The following EPS15L1 variants were observed in gnomAD, a reference collection of about 807,000 sequenced individuals.
The protein encoded by EPS15L1 is epidermal growth factor receptor pathway substrate 15 like 1.
Under a neutral mutation model 117.1 loss-of-function variants are expected in EPS15L1, and 43 were observed. The ratio of observed to expected loss-of-function variants is 0.37; its 90% CI spans 0.29 to 0.47. EPS15L1 has a LOEUF of 0.47. Among genes scored for constraint, EPS15L1 ranks in the 20% least tolerant of loss-of-function variants. EPS15L1 has a pLI of 0.99. For missense variants in EPS15L1, 981 were observed against 1,164.0 expected (o/e 0.84, Z 2.29); for synonymous variants, 459 against 470.5 (o/e 0.98, Z 0.32).
chr19:16,425,384 AG>A, intron 8 of EPS15L1, 68 bp from the exon 9 acceptor site: 2 of 1,138,096 alleles, frequency 1.8e-6, no homozygotes, highest in Non-Finnish European at 2.6e-6. Flanking sequence ...GAGAAGGCAG[AG>A]GGCAGCCCTT....
Position 16,425,149 on chromosome 19 carries a change from G to A in EPS15L1, c.726C>T (p.His242=), listed in dbSNP as rs148508142. 38 of 1,614,110 alleles carry A rather than the reference G, an allele frequency of 2.4e-5. No homozygotes were observed. The African/African-American group carries it at 2.4e-4, about 10-fold the overall frequency. ...PKDSLRSTPS[H]GSVSSLNSTG... ...TGCTGTTGAGGCTGCTGACGCTGCC[G>A]TGGGACGGCGTGGAGCGGAGGCTGT... The change falls in exon 9 of 24, where the codon CAC becomes CAT. Residue 242 remains histidine, a synonymous_variant. Coordinates refer to ENST00000455140, the MANE Select transcript of EPS15L1 (RefSeq NM_001258374.3).
intron 1 of EPS15L1, among the ~76,000 whole-genome samples, chr19:16,457,235 T>C (rs1421860449): frequency 6.6e-6 from 1 of 152,140 alleles, no homozygotes; most frequent in Non-Finnish European, 1.5e-5. Flanking sequence ...TCTAGACACC[T>C]TGGTGCAGGT....
chr19:16,446,709 C>A (rs1418104601), intron 1 of EPS15L1, among the ~76,000 whole-genome samples: 2 of 152,152 alleles, frequency 1.3e-5, no homozygotes, highest in African/African-American at 4.8e-5. Context: ...CAGGGCTGTG[C>A]ACCGGACCAC....
chr19:16,462,042 C>T (rs910738559), intron 1 of EPS15L1, among the ~76,000 whole-genome samples: 4 of 152,188 alleles, frequency 2.6e-5, no homozygotes, highest in African/African-American at 9.7e-5. Flanking sequence ...TCGACCCTCC[C>T]GGAGCCCATG....
At chr19:16,440,079 A>G (rs1177797678) in intron 4 of EPS15L1, among the ~76,000 whole-genome samples, 1 of 151,362 alleles carries the variant, frequency 6.6e-6, no homozygotes, top group African/African-American at 2.4e-5. Flanking sequence ...AAAAAAAAAA[A>G]AAAAACTCTG....
intron 1 of EPS15L1, among the ~76,000 whole-genome samples, chr19:16,449,804 T>C (rs1184025126): frequency 6.6e-6 from 1 of 152,152 alleles, no homozygotes; most frequent in Non-Finnish European, 1.5e-5. Flanking sequence ...CACCATGGAA[T>C]ACTACTCAGC....
At position 16,392,412 on chromosome 19, in the gene EPS15L1, T is replaced by G. The variant is rs778541349; in HGVS notation, c.1995A>C (p.Glu665Asp). 1 of 1,614,224 alleles carries G rather than the reference T, an allele frequency of 6.2e-7. No individual in the cohort carries two copies. The highest frequency in any genetic ancestry group is 1.1e-5 in the South Asian group (1 of 91,084). The change falls in exon 19 of 24, where the codon GAA becomes GAC. Residue 665 changes from glutamate (E) to aspartate (D), a missense_variant. Glu to Asp is a conservative substitution (Grantham distance 45). Around this residue, in one of 5 missense-constraint regions of EPS15L1, gnomAD observed 819 missense variants for 949.0 expected, o/e 0.86. Transcript: ENST00000455140. Reference protein sequence around the residue: ...TDPFGGDPFKESDPFRGSATD... With the variant: ...TDPFGGDPFKDSDPFRGSATD... ...TGGCAGAGCCACGGAATGGGTCACT[T>G]TCTTTGAAAGGGTCCCCTCCAAATG...
At chr19:16,457,960 C>T (rs2093213102) in intron 1 of EPS15L1, among the ~76,000 whole-genome samples, 1 of 152,068 alleles carries the variant, frequency 6.6e-6, no homozygotes, top group African/African-American at 2.4e-5. Context: ...GCCCACTTCC[C>T]AGAGTCTCCC....
intron 5 of EPS15L1, 60 bp downstream of exon 5, chr19:16,437,710 T>TACAC: frequency 1.7e-6 from 2 of 1,146,030 alleles, no homozygotes; most frequent in Non-Finnish European, 2.6e-6. Context: ...CACATGCACA[T>TACAC]ACACACACAC....
chr19:16,447,078 C>A (rs1223875784), intron 1 of EPS15L1, among the ~76,000 whole-genome samples: 2 of 152,230 alleles, frequency 1.3e-5, no homozygotes, highest in Admixed American at 1.3e-4. Context: ...ACAGGCCTTG[C>A]ACAACCATCA....
intron 1 of EPS15L1, among the ~76,000 whole-genome samples, chr19:16,453,974 G>A (rs1019391995): frequency 6.6e-6 from 1 of 151,872 alleles, no homozygotes. Context: ...TGTGACAAAT[G>A]AGGAGAGCTT....
rs1211217171 is a variant in EPS15L1, at chr19:16,405,670, A to G, written c.1267-921T>C. 6.6e-6 allele frequency among the ~76,000 whole-genome samples: 1 copy of G among 152,186 alleles called. No individual in the cohort carries two copies. The highest frequency in any genetic ancestry group is 1.5e-5 in the Non-Finnish European group (1 of 68,034). On this transcript the variant is annotated intron_variant, in intron 13 of 23. Transcript: ENST00000455140. This position sits in a 1 kb window ranked among gnomAD's most constrained non-coding sequence, Gnocchi z 4.0. The stretch of plus-strand genomic sequence containing the variant: ...GATGGCGCCGTGTGCTTTGCCTTAC[A>G]GTGGGACATGAGCACACTGCATTTG...
At position 16,436,964 on chromosome 19, in the gene EPS15L1, G is replaced by A. The variant is rs2092983996; in HGVS notation, c.345C>T (p.Pro115=). ...TCACAGCCCAGTGGGCCTCTGCAGA[G>A]GGCGGTGTGACCATCAGAGGGCTGC... ...DTSSPLMVTP[P]SAEAHWAVRV... Residue 115 remains proline (P), a synonymous_variant, in exon 6 of 24, where the codon CCC becomes CCT. Coordinates refer to ENST00000455140, the MANE Select transcript of EPS15L1 (RefSeq NM_001258374.3). 1.9e-6 allele frequency: 3 copies of A among 1,614,142 alleles called. No homozygotes were observed. The highest frequency in any genetic ancestry group is 2.5e-6 in the Non-Finnish European group (3 of 1,179,968).
In EPS15L1 at chr19:16,451,250, C is replaced by T. The variant is rs186126901; in HGVS notation, c.34-9031G>A. Among the ~76,000 whole-genome samples the T allele has an allele frequency of 3.3e-5, 5 of 152,320 alleles. No homozygotes were observed. The East Asian group carries it at 9.7e-4, about 29-fold the overall frequency. ...ACAGGCGTGAGCCACCGCGCCCGCCCAGACTCTCCAACAACTGCAAGTGAG... is the reference window on the plus strand; with the variant it reads ...ACAGGCGTGAGCCACCGCGCCCGCCTAGACTCTCCAACAACTGCAAGTGAG... On this transcript the variant is annotated intron_variant, in intron 1 of 23. Coordinates refer to ENST00000455140, the MANE Select transcript of EPS15L1 (RefSeq NM_001258374.3).
chr19:16,436,620 AC>A, intron 6 of EPS15L1: 1 of 267,998 alleles, frequency 3.7e-6, no homozygotes, highest in East Asian at 6.9e-5. Flanking sequence ...AGCAGCAAAA[AC>A]CACAGAATGT....
chr19:16,454,924 G>A (rs530636874), intron 1 of EPS15L1, among the ~76,000 whole-genome samples: 1 of 152,016 alleles, frequency 6.6e-6, no homozygotes, highest in South Asian at 2.1e-4. Context: ...GAGGTCAGCA[G>A]TTTGAGACCA....
intron 5 of EPS15L1, among the ~76,000 whole-genome samples, chr19:16,437,394 C>A (rs1013635969): frequency 6.6e-6 from 1 of 152,130 alleles, no homozygotes; most frequent in African/African-American, 2.4e-5. Context: ...ACACAAAAGA[C>A]CATGTTAGAG....
At chr19:16,362,746 G>A (rs1206890289) in intron 22 of EPS15L1, among the ~76,000 whole-genome samples, 1 of 151,944 alleles carries the variant, frequency 6.6e-6, no homozygotes, top group Admixed American at 6.6e-5. Context: ...CTGCCCTCAA[G>A]TCATCTGCCC....
chr19:16,412,107 T>A (rs1361817946), intron 13 of EPS15L1, among the ~76,000 whole-genome samples: 1 of 152,146 alleles, frequency 6.6e-6, no homozygotes, highest in East Asian at 1.9e-4. Flanking sequence ...TTATTTTTTA[T>A]TTTTTTATTT....
Sources: gnomAD v4.1 joint callset for allele counts (sites outside exome capture counted in the v4.1 genomes callset) on GRCh38, gnomAD v4.1.1 for gene constraint, gnomAD v4.1.1 regional missense constraint, Gnocchi (gnomAD v3.1) non-coding constraint, MANE v1.5 for transcripts, NCBI Gene and HGNC (gene_info 2026-07-23, HGNC 2026-07-21) for gene names.